PCDHA9: variants seen among roughly 807,000 people sequenced by gnomAD.
The protein encoded by PCDHA9 is protocadherin alpha 9, also known as protocadherin alpha-9.
Under a neutral mutation model 62.0 loss-of-function variants are expected in PCDHA9, and 62 were observed. The ratio of observed to expected loss-of-function variants is 1.00; its 90% CI spans 0.81 to 1.23. The LOEUF (loss-of-function observed/expected upper bound fraction) is 1.23, where lower values mean the gene tolerates loss of function less well. PCDHA9 is among the 50% of genes most tolerant of loss of function. The pLI, the probability that PCDHA9 is intolerant of heterozygous loss-of-function variation, is 0.00. For missense variants in PCDHA9, 1,205 were observed against 1,249.8 expected, an observed-to-expected ratio of 0.96 and a Z score of 0.54; for synonymous variants, 557 against 567.6, an observed-to-expected ratio of 0.98 and a Z score of 0.27.
intron 1 of PCDHA9, chr5:140,862,649 C>A: frequency 3.7e-6 from 2 of 543,104 alleles, no homozygotes; most frequent in South Asian, 1.4e-5. Context: ...ACAGTGTCCG[C>A]GCGGGACCGG....
chr5:140,862,968 G>A (rs1554157319), intron 1 of PCDHA9: 1 of 544,810 alleles, frequency 1.8e-6, no homozygotes, highest in Non-Finnish European at 3.6e-6. Flanking sequence ...GTGGATGCAG[G>A]CCACTTGGTG....
intron 1 of PCDHA9, chr5:140,875,939 G>A (rs2055971750): frequency 6.2e-7 from 1 of 1,614,158 alleles, no homozygotes; most frequent in Non-Finnish European, 8.5e-7. Flanking sequence ...CCTCTAGAGG[G>A]CGCTTCTGAT....
intron 3 of PCDHA9, among the ~76,000 whole-genome samples, chr5:140,994,222 CTA>C (rs1219184690): frequency 6.6e-6 from 1 of 152,168 alleles, no homozygotes; most frequent in Non-Finnish European, 1.5e-5. Context: ...CAGGGTCTGT[CTA>C]TGTTATAATC....
chr5:140,864,323 T>C (rs2048419778), intron 1 of PCDHA9: 1 of 152,230 alleles, frequency 6.6e-6, no homozygotes, highest in Admixed American at 6.5e-5. Flanking sequence ...TTTAATATCA[T>C]AATTATTTGA....
chr5:140,862,944 T>C (rs1554157274), intron 1 of PCDHA9: 3 of 542,156 alleles, frequency 5.5e-6, no homozygotes, highest in Admixed American at 3.9e-5. Flanking sequence ...GTGAGTGAGC[T>C]GGTGCGGTAT....
chr5:140,927,045 C>G, intron 1 of PCDHA9: 1 of 1,612,254 alleles, frequency 6.2e-7, no homozygotes, highest in Non-Finnish European at 8.5e-7. Context: ...CCGCTATGTC[C>G]TCGCGGAACT....
At chr5:141,007,476 G>A (rs1412241964) in intron 3 of PCDHA9, among the ~76,000 whole-genome samples, 1 of 151,712 alleles carries the variant, frequency 6.6e-6, no homozygotes, top group Non-Finnish European at 1.5e-5. Context: ...GCTGAGGCAC[G>A]AGAATTACTT....
At chr5:140,864,027 G>A (rs2048287135) in intron 1 of PCDHA9, 1 of 152,794 alleles carries the variant, frequency 6.5e-6, no homozygotes, top group Non-Finnish European at 1.5e-5. Flanking sequence ...TGGAAGTCTA[G>A]CCATCTTAAT....
chr5:140,983,900 G>T (rs1345141422), intron 3 of PCDHA9, among the ~76,000 whole-genome samples: 1 of 152,198 alleles, frequency 6.6e-6, no homozygotes, highest in Admixed American at 6.5e-5. Context: ...GGCATTCGTT[G>T]ATTCTAATCA....
At chr5:141,005,520 G>A (rs34458028) in intron 3 of PCDHA9, among the ~76,000 whole-genome samples, 7,602 of 151,238 alleles carry the variant, frequency 0.05, 239 homozygotes, top group South Asian at 0.11. Flanking sequence ...TGGCTAACAC[G>A]GTGAAACCCC....
chr5:140,883,726 G>A, intron 1 of PCDHA9: 2 of 1,613,590 alleles, frequency 1.2e-6, no homozygotes, highest in Non-Finnish European at 1.7e-6. Context: ...ACGCACAGGA[G>A]AACGCGCTGG....
intron 1 of PCDHA9, among the ~76,000 whole-genome samples, chr5:140,909,116 T>C (rs1273091505): frequency 6.6e-6 from 1 of 152,182 alleles, no homozygotes; most frequent in African/African-American, 2.4e-5. Context: ...ATCAGCAAAA[T>C]GTCATCAAGG....
intron 1 of PCDHA9, chr5:140,882,427 G>A: frequency 6.2e-7 from 1 of 1,614,090 alleles, no homozygotes; most frequent in Non-Finnish European, 8.5e-7. Flanking sequence ...AGGACCTGGG[G>A]CTGGAGCTGG....
At chr5:140,930,413 G>A (rs1461655739) in intron 1 of PCDHA9, 1 of 151,722 alleles carries the variant, frequency 6.6e-6, no homozygotes, top group Non-Finnish European at 1.5e-5. Flanking sequence ...TTTGAGACAG[G>A]GGTCTCACTA....
At chr5:140,937,981 T>TA (rs1554211927) in intron 1 of PCDHA9, among the ~76,000 whole-genome samples, 2 of 152,254 alleles carry the variant, frequency 1.3e-5, no homozygotes, top group Non-Finnish European at 2.9e-5. Flanking sequence ...ATACTGATTT[T>TA]ATGTTAACTT....
At chr5:141,003,936 C>T (rs934368361) in intron 3 of PCDHA9, among the ~76,000 whole-genome samples, 41 of 152,122 alleles carry the variant, frequency 2.7e-4, no homozygotes, top group African/African-American at 9.9e-4. Context: ...TTGTCTTTGC[C>T]TGAGGGTGAG....
At chr5:140,967,306 C>G (rs1554229415) in intron 1 of PCDHA9, 2 of 1,612,350 alleles carry the variant, frequency 1.2e-6, no homozygotes, top group African/African-American at 2.7e-5. Flanking sequence ...TGGGCGCCAA[C>G]TCAGTACAGA....
chr5:140,995,276 C>T (rs2097674050), intron 3 of PCDHA9, among the ~76,000 whole-genome samples: 4 of 152,030 alleles, frequency 2.6e-5, no homozygotes, highest in Non-Finnish European at 1.5e-5. Flanking sequence ...CCCTTTGATA[C>T]CAAAACAGCC....
rs2150457668 is a variant in PCDHA9 at position 140,849,921 on chromosome 5, A to T, written c.1426A>T (p.Thr476Ser). The T allele has an allele frequency of 1.2e-5, 19 of 1,598,094 alleles. 1 individual carries two copies. Among genetic ancestry groups the T allele is most frequent in the Non-Finnish European group, 1.5e-5 (17 of 1,167,772 alleles). ...ENNPPGCHIF[T>S]VSARDADAQE... is the part of the protein sequence containing the mutation. Reference sequence around the variant, plus strand: ...CAACCCGCCGGGCTGCCACATCTTCACGGTGTCTGCGCGGGACGCTGACGC... The same window carrying T: ...CAACCCGCCGGGCTGCCACATCTTCTCGGTGTCTGCGCGGGACGCTGACGC... Residue 476 changes from threonine to serine, a missense_variant, in exon 1 of 4, where the codon ACG (threonine) becomes TCG (serine). By Grantham distance (58) the Thr-to-Ser change is moderately conservative. Transcript: ENST00000532602.
Sources: gnomAD v4.1 joint callset for allele counts (sites outside exome capture counted in the v4.1 genomes callset) on GRCh38, gnomAD v4.1.1 for gene constraint, MANE v1.5 for transcripts, NCBI Gene and HGNC (gene_info 2026-07-23, HGNC 2026-07-21) for gene names.